The following SBF2 variants were observed in gnomAD, a reference collection of about 807,000 sequenced individuals.
The protein encoded by SBF2 is myotubularin-related protein 13.
A neutral mutation model predicts 225.2 loss-of-function variants in SBF2; 112 were observed. The ratio of observed to expected loss-of-function variants is 0.50; its 90% CI spans 0.43 to 0.58. The LOEUF is 0.58. Among genes scored for constraint, SBF2 ranks in the 20% least tolerant of loss-of-function variants. SBF2 has a pLI of 0.00. For missense variants in SBF2, 1,996 were observed against 2,206.2 expected, an observed-to-expected ratio of 0.90 and a Z score of 1.91; for synonymous variants, 763 against 773.3, an observed-to-expected ratio of 0.99 and a Z score of 0.22.
At chr11:9,996,494 A>G (rs1047438382) in intron 9 of SBF2, among the ~76,000 whole-genome samples, 1 of 152,070 alleles carries the variant, frequency 6.6e-6, no homozygotes, top group Non-Finnish European at 1.5e-5. Flanking sequence ...GGTTCATGCT[A>G]TTCTCCTGCC....
chr11:9,861,831 C>T (rs1857775830), intron 17 of SBF2, among the ~76,000 whole-genome samples: 1 of 152,124 alleles, frequency 6.6e-6, no homozygotes, highest in Non-Finnish European at 1.5e-5. Context: ...ATATACTCAA[C>T]CTGTATCTTC....
chr11:9,852,586 T>C lies in SBF2; in HGVS notation c.2610+90A>G, dbSNP rs1857034759. On this transcript the variant is annotated intron_variant, in intron 21 of 39. Transcript: ENST00000256190. ...ACTGGAGTTAGTGTCTGTCAAAGGTTAGGTGAACATCCTTTCCTGGCACAC... is the reference window on the plus strand; with the variant it reads ...ACTGGAGTTAGTGTCTGTCAAAGGTCAGGTGAACATCCTTTCCTGGCACAC... 4 of 913,900 alleles carry C rather than the reference T, an allele frequency of 4.4e-6. No homozygotes were observed. The African/African-American group carries it at 6.5e-5, about 15-fold the overall frequency. 56.6% of individuals were successfully genotyped at this position (913,900 alleles called of 1,614,324 possible). A position where few individuals can be genotyped will look rare whatever the true frequency, so the allele number is the denominator to read the frequency against.
At chr11:9,839,477 G>A (rs1333572876) in intron 26 of SBF2, 21 bp downstream of exon 26, 3 of 1,609,904 alleles carry the variant, frequency 1.9e-6, no homozygotes, top group African/African-American at 1.3e-5. Context: ...ACCTCTTTTT[G>A]GAGCCCACTG....
At chr11:10,230,822 C>T (rs1224456170) in intron 1 of SBF2, among the ~76,000 whole-genome samples, 3 of 152,118 alleles carry the variant, frequency 2.0e-5, no homozygotes, top group South Asian at 2.1e-4. Flanking sequence ...ATCTTTGTGG[C>T]GTTCTCTGTA....
In SBF2 at chr11:9,880,353, C is replaced by T. The variant is rs114397072; in HGVS notation, c.1929+15590G>A. Among the ~76,000 whole-genome samples the T allele has an allele frequency of 2.7e-3, 415 of 152,240 alleles. 2 individuals carry two copies. Among genetic ancestry groups the T allele is most frequent in the African/African-American group, 9.4e-3 (391 of 41,546 alleles). The stretch of plus-strand genomic sequence containing the variant: ...GGTTTTACATACAATCTAAATTTCG[C>T]GCTTCTTTTGAAAAGCCTAAAGATG... On this transcript the variant is annotated intron_variant, in intron 17 of 39. Coordinates refer to ENST00000256190, the MANE Select transcript of SBF2 (RefSeq NM_030962.4).
chr11:10,118,865 A>G (rs558717114), intron 2 of SBF2, among the ~76,000 whole-genome samples: 194 of 150,888 alleles, frequency 1.3e-3, no homozygotes, highest in Non-Finnish European at 2.4e-3. Context: ...GCAAATAACT[A>G]TTGTCTTTAT....
chr11:10,002,808 A>T, intron 6 of SBF2, 119 bp from the exon 7 acceptor site: 2 of 867,240 alleles, frequency 2.3e-6, no homozygotes, highest in Non-Finnish European at 3.8e-6. Flanking sequence ...GAAGGAAAAT[A>T]CTTGGTTAAA....
intron 14 of SBF2, among the ~76,000 whole-genome samples, chr11:9,967,252 G>C (rs1813102184): frequency 6.6e-6 from 1 of 151,936 alleles, no homozygotes; most frequent in African/African-American, 2.4e-5. Context: ...GGCGCCTGGA[G>C]TCCCAGCTAC....
chr11:10,101,652 T>G (rs1373863846), intron 2 of SBF2, among the ~76,000 whole-genome samples: 1 of 115,646 alleles, frequency 8.6e-6, no homozygotes, highest in African/African-American at 3.0e-5. Flanking sequence ...TGTCTCTCTC[T>G]CTCGCTCTGT....
chr11:10,111,856 GAC>G (rs1359256405), intron 2 of SBF2, among the ~76,000 whole-genome samples: 3 of 152,202 alleles, frequency 2.0e-5, no homozygotes, highest in Non-Finnish European at 4.4e-5. Flanking sequence ...CAGCCTGGGT[GAC>G]ACAGTGAGAC....
At chr11:10,226,496 C>T (rs977086726) in intron 1 of SBF2, among the ~76,000 whole-genome samples, 1 of 148,878 alleles carries the variant, frequency 6.7e-6, no homozygotes, top group Non-Finnish European at 1.5e-5. Flanking sequence ...AACCCCACAA[C>T]AGGCCCGGGT....
intron 13 of SBF2, among the ~76,000 whole-genome samples, chr11:9,975,076 A>C (rs575356487): frequency 6.6e-5 from 10 of 152,174 alleles, no homozygotes; most frequent in African/African-American, 2.2e-4. Context: ...AAAATGCAAA[A>C]TAACGTAGAC....
intron 17 of SBF2, among the ~76,000 whole-genome samples, chr11:9,861,650 T>A (rs360160): frequency 6.9e-6 from 1 of 145,674 alleles, no homozygotes; most frequent in Non-Finnish European, 1.5e-5. Context: ...GGCAACAGAG[T>A]GAGACTCCAT....
At chr11:10,187,963 A>G (rs1363977301) in intron 2 of SBF2, among the ~76,000 whole-genome samples, 2 of 152,218 alleles carry the variant, frequency 1.3e-5, no homozygotes, top group African/African-American at 4.8e-5. Context: ...AAATTGTAAC[A>G]TTACAAATAT....
At chr11:9,975,683 G>A (rs971354232) in intron 13 of SBF2, among the ~76,000 whole-genome samples, 1 of 152,150 alleles carries the variant, frequency 6.6e-6, no homozygotes, top group East Asian at 1.9e-4. Flanking sequence ...CAGATAGGAC[G>A]GGAGGGGGGT....
rs143808918 is a variant in SBF2, at chr11:9,795,843, T to G, written c.4558A>C (p.Arg1520=). The G allele has an allele frequency of 6.2e-7, 1 of 1,613,728 alleles. No individual in the cohort carries two copies. The highest frequency in any genetic ancestry group is 8.5e-7 in the Non-Finnish European group (1 of 1,179,928). ...KTFLLDSDYE[R]LEHGTLFDDK... ...TACAGACACATACCGTGCTCTAATC[T>G]TTCATAGTCTGAATCCAGGAGAAAT... The change falls in exon 33 of 40, where the codon AGA becomes CGA. Residue 1520 remains arginine, a synonymous_variant. Coordinates refer to ENST00000256190, the MANE Select transcript of SBF2 (RefSeq NM_030962.4).
At chr11:9,890,448 A>T (rs1027106520) in intron 17 of SBF2, among the ~76,000 whole-genome samples, 3 of 152,310 alleles carry the variant, frequency 2.0e-5, no homozygotes, top group African/African-American at 4.8e-5. Context: ...AAGAAAAAAT[A>T]TGTTTCTCCT....
At chr11:10,291,207 T>C (rs1964137383) in intron 1 of SBF2, among the ~76,000 whole-genome samples, 1 of 152,200 alleles carries the variant, frequency 6.6e-6, no homozygotes, top group Non-Finnish European at 1.5e-5. Flanking sequence ...GTGATGGTAT[T>C]ATGAGGTGAG....
chr11:10,151,133 T>C (rs1022359583), intron 2 of SBF2, among the ~76,000 whole-genome samples: 13 of 152,246 alleles, frequency 8.5e-5, no homozygotes, highest in African/African-American at 2.9e-4. Context: ...ACACAGTCTC[T>C]TGCCTTCAGG....
Sources: allele counts gnomAD v4.1 joint callset (sites outside exome capture counted in the v4.1 genomes callset), GRCh38; gene constraint gnomAD v4.1.1; transcripts MANE v1.5; gene names NCBI Gene and HGNC (gene_info 2026-07-23, HGNC 2026-07-21).